Variants in RERE observed in about 807,000 individuals in gnomAD.
RERE encodes the protein arginine-glutamic acid dipeptide repeats protein.
In RERE, 40 loss-of-function variants were observed where a neutral mutation model predicts 146.1. The observed-to-expected ratio is 0.27, with a 90% CI of 0.21 to 0.36. RERE has a LOEUF of 0.36. RERE is among the 10% of genes least tolerant of loss of function. The pLI is 1.00. For synonymous variants in RERE, 1,003 were observed against 866.0 expected, an observed-to-expected ratio of 1.16 and a Z score of -2.78; for missense variants, 1,933 against 2,138.7, an observed-to-expected ratio of 0.90 and a Z score of 1.90.
intron 1 of RERE, among the ~76,000 whole-genome samples, chr1:8,794,400 G>A (rs1641428017): frequency 6.9e-6 from 1 of 145,230 alleles, no homozygotes; most frequent in Non-Finnish European, 1.5e-5. Flanking sequence ...AATCATTTCA[G>A]GAACTAAAAG....
At position 8,512,189 on chromosome 1, in the gene RERE, G is replaced by A. The variant is rs1437402388; in HGVS notation, c.831-3514C>T. 2.1e-4 allele frequency among the ~76,000 whole-genome samples: 31 copies of A among 147,646 alleles called. No individual in the cohort carries two copies. In the East Asian group the frequency reaches 3.6e-3, roughly 17 times the overall value. On this transcript the variant is annotated intron_variant, in intron 7 of 22. Transcript: ENST00000400908. ...GCTGGGACTACAGGCGCCCGCCACCGCGCCCGGCTAATTTTTTGTATTTTT... is the reference window on the plus strand; with the variant it reads ...GCTGGGACTACAGGCGCCCGCCACCACGCCCGGCTAATTTTTTGTATTTTT...
At chr1:8,505,092 T>C (rs945456791) in intron 8 of RERE, among the ~76,000 whole-genome samples, 3 of 152,148 alleles carry the variant, frequency 2.0e-5, no homozygotes, top group African/African-American at 7.2e-5. Context: ...CAGGATGAAA[T>C]AGCTTCTTTA....
At chr1:8,454,245 C>T (rs1050292317) in intron 11 of RERE, among the ~76,000 whole-genome samples, 1 of 152,228 alleles carries the variant, frequency 6.6e-6, no homozygotes, top group African/African-American at 2.4e-5. Flanking sequence ...GATCCCAGAA[C>T]TTTCAGTAAC....
intron 12 of RERE, among the ~76,000 whole-genome samples, chr1:8,422,020 G>C (rs1643917039): frequency 6.6e-6 from 1 of 152,152 alleles, no homozygotes; most frequent in African/African-American, 2.4e-5. Context: ...GGCAACCACA[G>C]GGAAATGAGA....
chr1:8,775,456 C>G (rs1219727820), intron 1 of RERE, among the ~76,000 whole-genome samples: 2 of 152,262 alleles, frequency 1.3e-5, no homozygotes, highest in East Asian at 3.9e-4. Flanking sequence ...TGGTGGCACG[C>G]ACCTGTAGTC....
At chr1:8,485,515 A>G (rs1470663625) in intron 10 of RERE, among the ~76,000 whole-genome samples, 1 of 152,140 alleles carries the variant, frequency 6.6e-6, no homozygotes, top group Non-Finnish European at 1.5e-5. Flanking sequence ...TACCTTAAAT[A>G]CAAAGAAAAA....
intron 7 of RERE, among the ~76,000 whole-genome samples, chr1:8,510,226 A>G (rs1002448783): frequency 6.6e-6 from 1 of 152,116 alleles, no homozygotes; most frequent in Non-Finnish European, 1.5e-5. Flanking sequence ...TCAACATAAG[A>G]CACTTCAAAA....
chr1:8,511,103 TA>T (rs1020584718), intron 7 of RERE, among the ~76,000 whole-genome samples: 1 of 152,112 alleles, frequency 6.6e-6, no homozygotes, highest in South Asian at 2.1e-4. Flanking sequence ...ATATTTAGCT[TA>T]AAAAAACCCA....
At chr1:8,747,283 G>A (rs1233818177) in intron 1 of RERE, among the ~76,000 whole-genome samples, 2 of 152,074 alleles carry the variant, frequency 1.3e-5, no homozygotes, top group Non-Finnish European at 2.9e-5. Context: ...TTACAGGCAT[G>A]AGCCACCGCG....
intron 10 of RERE, among the ~76,000 whole-genome samples, chr1:8,486,089 C>T (rs11579481): frequency 0.026 from 3,965 of 152,224 alleles, 87 homozygotes; most frequent in Middle Eastern, 0.041. Flanking sequence ...TAAGCCACCG[C>T]GCCTGGCCTA....
At chr1:8,630,271 C>T (rs1647019695) in intron 2 of RERE, among the ~76,000 whole-genome samples, 1 of 152,116 alleles carries the variant, frequency 6.6e-6, no homozygotes, top group African/African-American at 2.4e-5. Flanking sequence ...CAAACCCTCC[C>T]AGTTCTAGTC....
chr1:8,647,713 T>C (rs895427461), intron 2 of RERE, among the ~76,000 whole-genome samples: 9 of 151,554 alleles, frequency 5.9e-5, no homozygotes, highest in Non-Finnish European at 1.3e-4. Flanking sequence ...CTTGGTTTTG[T>C]TTTATTTTGG....
At chr1:8,736,229 C>CA (rs1640195232) in intron 1 of RERE, among the ~76,000 whole-genome samples, 1 of 151,978 alleles carries the variant, frequency 6.6e-6, no homozygotes, top group Admixed American at 6.6e-5. Context: ...TTTTTGGAGA[C>CA]AGAGTCTTGC....
intron 7 of RERE, among the ~76,000 whole-genome samples, chr1:8,536,209 AG>A (rs1417577370): frequency 1.3e-5 from 2 of 152,226 alleles, no homozygotes; most frequent in Non-Finnish European, 2.9e-5. Context: ...GACAGTTTAC[AG>A]AAGTTTTCTG....
chr1:8,646,720 G>T (rs1046021571), intron 2 of RERE, among the ~76,000 whole-genome samples: 1 of 152,188 alleles, frequency 6.6e-6, no homozygotes, highest in Non-Finnish European at 1.5e-5. Flanking sequence ...ACAGAGATAT[G>T]TACACAAAGA....
Position 8,396,560 on chromosome 1 carries a change from G to A in RERE, c.1284+26167C>T, listed in dbSNP as rs539269219. On this transcript the variant is annotated intron_variant, in intron 12 of 22. Coordinates refer to ENST00000400908, the MANE Select transcript of RERE (RefSeq NM_001042681.2). ...TGGATAACAACGGAAGCAGTCAGCC[G>A]TCTAATAAATCAAGTTTAATTTTAA... Among the ~76,000 whole-genome samples the A allele has an allele frequency of 5.3e-5, 8 of 152,234 alleles. No individual in the cohort carries two copies. In the South Asian group the frequency reaches 1.2e-3, roughly 24 times the overall value.
chr1:8,545,982 C>A, intron 6 of RERE, among the ~76,000 whole-genome samples: 1 of 69,478 alleles, frequency 1.4e-5, no homozygotes, highest in African/African-American at 6.0e-5. Flanking sequence ...CATACCCAGT[C>A]TTTTTTTTTT....
chr1:8,386,518 C>A, intron 12 of RERE, among the ~76,000 whole-genome samples: 1 of 151,180 alleles, frequency 6.6e-6, no homozygotes, highest in Non-Finnish European at 1.5e-5. Flanking sequence ...CAGAGAGCTT[C>A]CTTTCTGAAG....
chr1:8,357,380 G>A (rs899246866), intron 20 of RERE, among the ~76,000 whole-genome samples: 4 of 152,216 alleles, frequency 2.6e-5, no homozygotes, highest in African/African-American at 9.6e-5. Flanking sequence ...CTGGGTACAG[G>A]GGCAGGGGAG....
Sources: allele counts gnomAD v4.1 joint callset (sites outside exome capture counted in the v4.1 genomes callset), GRCh38; gene constraint gnomAD v4.1.1; transcripts MANE v1.5; gene names NCBI Gene and HGNC (gene_info 2026-07-23, HGNC 2026-07-21).